Variants in AFG2A observed in about 807,000 individuals in gnomAD.
AFG2A encodes AAA ATPase AFG2A.
the AFG2A span, chr4:122,923,296 T>C: frequency 4.3e-6 from 7 of 1,613,624 alleles, no homozygotes; most frequent in East Asian, 2.2e-5. Flanking sequence ...GACCAACTTA[T>C]TAGAAAAGGG....
the AFG2A span, chr4:123,315,720 G>A: frequency 6.6e-6 from 1 of 152,126 alleles, no homozygotes; most frequent in Non-Finnish European, 1.5e-5. Flanking sequence ...AGACAAATCA[G>A]ACAAGAAATA....
the AFG2A span, among the ~76,000 whole-genome samples, chr4:123,088,191 TTC>T: frequency 2.6e-5 from 4 of 152,190 alleles, no homozygotes; most frequent in African/African-American, 9.7e-5. Flanking sequence ...GTATTCTGTG[TTC>T]TCTCTCTTTC....
chr4:123,306,065 T>C, the AFG2A span, among the ~76,000 whole-genome samples: 1 of 152,240 alleles, frequency 6.6e-6, no homozygotes, highest in African/African-American at 2.4e-5. Flanking sequence ...TATATTGTTG[T>C]TATAAAGGAA....
chr4:123,257,187 A>G, the AFG2A span, among the ~76,000 whole-genome samples: 1 of 152,172 alleles, frequency 6.6e-6, no homozygotes, highest in Non-Finnish European at 1.5e-5. Flanking sequence ...GCTAATAACA[A>G]CAACCAAAAT....
At chr4:123,186,451 T>C in the AFG2A span, among the ~76,000 whole-genome samples, 1 of 152,210 alleles carries the variant, frequency 6.6e-6, no homozygotes, top group Non-Finnish European at 1.5e-5. Flanking sequence ...TTTTAGAGTT[T>C]AGTCTAGAAG....
At chr4:123,081,675 T>A in the AFG2A span, among the ~76,000 whole-genome samples, 1 of 152,156 alleles carries the variant, frequency 6.6e-6, no homozygotes, top group African/African-American at 2.4e-5. Flanking sequence ...GAACCTGTGG[T>A]AAGAGTATTT....
At chr4:123,038,428 T>G in the AFG2A span, among the ~76,000 whole-genome samples, 1 of 152,122 alleles carries the variant, frequency 6.6e-6, no homozygotes, top group Admixed American at 6.5e-5. Flanking sequence ...TTATGATTCC[T>G]TAAGTTTTCT....
chr4:122,975,077 AG>A, the AFG2A span, among the ~76,000 whole-genome samples: 1 of 152,196 alleles, frequency 6.6e-6, no homozygotes, highest in East Asian at 1.9e-4. Flanking sequence ...GTCTTAGTCC[AG>A]TTTCTGCTGC....
the AFG2A span, among the ~76,000 whole-genome samples, chr4:123,070,034 A>G: frequency 1.1e-4 from 17 of 152,270 alleles, no homozygotes; most frequent in Admixed American, 1.1e-3. Flanking sequence ...ACCATATTGT[A>G]AGTAAGGCTA....
At chr4:123,216,436 G>A in the AFG2A span, among the ~76,000 whole-genome samples, 4,705 of 152,080 alleles carry the variant, frequency 0.031, 96 homozygotes, top group African/African-American at 0.038. Context: ...TTGCTTTAAG[G>A]ATTATTGCAT....
the AFG2A span, among the ~76,000 whole-genome samples, chr4:123,024,130 A>G: frequency 7.2e-5 from 11 of 152,142 alleles, no homozygotes; most frequent in African/African-American, 2.4e-4. Flanking sequence ...CCAGATTACA[A>G]CTATTCAAAG....
At chr4:123,185,342 A>G in the AFG2A span, among the ~76,000 whole-genome samples, 2 of 152,220 alleles carry the variant, frequency 1.3e-5, no homozygotes, top group South Asian at 4.2e-4. Flanking sequence ...CAAAAAAGTC[A>G]TAATAACTGT....
the AFG2A span, among the ~76,000 whole-genome samples, chr4:123,174,036 T>G: frequency 6.6e-6 from 1 of 152,090 alleles, no homozygotes; most frequent in African/African-American, 2.4e-5. Flanking sequence ...GAAACTAAAA[T>G]AGATAAAATA....
At chr4:123,309,070 C>T in the AFG2A span, among the ~76,000 whole-genome samples, 1 of 152,142 alleles carries the variant, frequency 6.6e-6, no homozygotes, top group African/African-American at 2.4e-5. Flanking sequence ...TAAGCAAGAG[C>T]CATAATGTGC....
At chr4:123,153,072 A>T in the AFG2A span, among the ~76,000 whole-genome samples, 1 of 152,200 alleles carries the variant, frequency 6.6e-6, no homozygotes, top group Non-Finnish European at 1.5e-5. Context: ...GATATTTATT[A>T]ATTCTTCCAT....
chr4:123,259,695 T>C, the AFG2A span, among the ~76,000 whole-genome samples: 3 of 152,250 alleles, frequency 2.0e-5, no homozygotes, highest in Non-Finnish European at 1.5e-5. Flanking sequence ...TATTCATTTA[T>C]CTTTTATCAA....
chr4:123,212,214 G>T, the AFG2A span, among the ~76,000 whole-genome samples: 4 of 152,036 alleles, frequency 2.6e-5, no homozygotes, highest in Non-Finnish European at 5.9e-5. Context: ...AATCTGTGGG[G>T]TCTGTCCATA....
the AFG2A span, among the ~76,000 whole-genome samples, chr4:123,293,245 C>T: frequency 3.3e-5 from 5 of 152,234 alleles, no homozygotes; most frequent in Middle Eastern, 3.4e-3. Context: ...GGTAGAAGTC[C>T]CCTTCTCCAG....
chr4:123,245,803 A>C, the AFG2A span, among the ~76,000 whole-genome samples: 95,598 of 152,058 alleles, frequency 0.63, 30,924 homozygotes, highest in Admixed American at 0.69. Flanking sequence ...AATATACGCT[A>C]ACATGTTGAC....
Sources: gnomAD v4.1 joint callset for allele counts (sites outside exome capture counted in the v4.1 genomes callset) on GRCh38, gnomAD v4.1.1 for gene constraint, MANE v1.5 for transcripts, NCBI Gene and HGNC (gene_info 2026-07-23, HGNC 2026-07-21) for gene names.